Variants in COX10 observed in about 807,000 individuals in gnomAD.
The protein encoded by COX10 is protoheme IX farnesyltransferase, mitochondrial.
In COX10, 27 loss-of-function variants were observed where a neutral mutation model predicts 37.3. That is an observed-to-expected ratio of 0.72 (90% CI 0.53 to 1.00). COX10 has a LOEUF of 1.00. COX10 is among the 50% of genes least tolerant of loss of function. The probability of loss-of-function intolerance (pLI) is 0.00; values close to 1 mark genes in which losing one functional copy is unlikely to be tolerated. For synonymous variants in COX10, 222 were observed against 229.1 expected (o/e 0.97, Z 0.28); for missense variants, 475 against 563.2 (o/e 0.84, Z 1.59).
intron 5 of COX10, chr17:14,179,237 C>T: frequency 4.1e-6 from 4 of 983,306 alleles, no homozygotes; most frequent in Non-Finnish European, 4.8e-6. Context: ...CGTTCATCTA[C>T]CATCTCTTAT....
rs564127902 is a variant in COX10, at chr17:14,181,445, C to T, written c.696-10544C>T. 5.9e-5 allele frequency among the ~76,000 whole-genome samples: 9 copies of T among 151,560 alleles called. No homozygotes were observed. The South Asian group carries it at 1.5e-3, about 25-fold the overall frequency. On this transcript the variant is annotated intron_variant, in intron 5 of 6. Transcript: ENST00000261643. ...GAGTAAGAGGTCAGCACTATACCTC[C>T]GGGTAGCTGCACGTGCACGCAGCTG...
intron 4 of COX10, among the ~76,000 whole-genome samples, chr17:14,153,182 G>A (rs1307011811): frequency 6.6e-5 from 10 of 152,106 alleles, no homozygotes; most frequent in Admixed American, 2.6e-4. Flanking sequence ...TCTTTCAGCC[G>A]TACTAAACTT....
At chr17:14,092,606 G>A (rs761557106) in intron 3 of COX10, among the ~76,000 whole-genome samples, 1 of 152,010 alleles carries the variant, frequency 6.6e-6, no homozygotes, top group Non-Finnish European at 1.5e-5. Flanking sequence ...TTAACAATAA[G>A]CATGAGAATT....
chr17:14,204,322 G>A (rs1050155904), intron 6 of COX10, among the ~76,000 whole-genome samples: 1 of 151,746 alleles, frequency 6.6e-6, no homozygotes, highest in Non-Finnish European at 1.5e-5. Flanking sequence ...TGTCCCAAAG[G>A]CATCTCAGAC....
At chr17:14,145,651 C>T (rs976056957) in intron 4 of COX10, among the ~76,000 whole-genome samples, 1 of 152,092 alleles carries the variant, frequency 6.6e-6, no homozygotes, top group Non-Finnish European at 1.5e-5. Context: ...TAACTTTATT[C>T]CTTGGACAGT....
At chr17:14,197,654 T>C (rs534250820) in intron 6 of COX10, among the ~76,000 whole-genome samples, 1 of 152,340 alleles carries the variant, frequency 6.6e-6, no homozygotes, top group East Asian at 1.9e-4. Flanking sequence ...GAATTGTTCT[T>C]GATGTTTGCT....
intron 2 of COX10, among the ~76,000 whole-genome samples, chr17:14,076,115 T>TA (rs1915144262): frequency 7.3e-6 from 1 of 136,910 alleles, no homozygotes; most frequent in Non-Finnish European, 1.6e-5. Flanking sequence ...TTTTGTCTTT[T>TA]TTTTTTTTTT....
At position 14,150,210 on chromosome 17, in the gene COX10, T is replaced by C. The variant is rs375190021; in HGVS notation, c.625-9667T>C. The stretch of plus-strand genomic sequence containing the variant: ...ATCCCTTGAGCCCAGGATGCAGAGG[T>C]TGCAGCCACCCGTGATTGTGCCACT... On this transcript the variant is annotated intron_variant, in intron 4 of 6. Transcript: ENST00000261643. 6.6e-5 allele frequency among the ~76,000 whole-genome samples: 10 copies of C among 151,788 alleles called. No individual in the cohort carries two copies. In the East Asian group the frequency reaches 1.6e-3, roughly 24 times the overall value.
chr17:14,128,869 G>GA (rs1916400265), intron 4 of COX10, among the ~76,000 whole-genome samples: 1 of 152,230 alleles, frequency 6.6e-6, no homozygotes, highest in South Asian at 2.1e-4. Context: ...TTTTGAGACA[G>GA]AGTCTTGCTC....
At chr17:14,134,121 G>T (rs1044682191) in intron 4 of COX10, among the ~76,000 whole-genome samples, 2 of 151,600 alleles carry the variant, frequency 1.3e-5, no homozygotes, top group African/African-American at 2.4e-5. Context: ...GCTTCATAAG[G>T]TAGACTCCAT....
intron 3 of COX10, 81 bp downstream of exon 3, chr17:14,077,137 A>C (rs1465047914): frequency 2.1e-6 from 3 of 1,400,968 alleles, no homozygotes; most frequent in Non-Finnish European, 3.0e-6. Context: ...TTACCACCTG[A>C]AAAGAATAAT....
intron 3 of COX10, among the ~76,000 whole-genome samples, chr17:14,096,387 T>C (rs1187765915): frequency 5.5e-5 from 8 of 146,668 alleles, no homozygotes; most frequent in Non-Finnish European, 9.0e-5. Context: ...TCTTTTTTTT[T>C]TTTTTTTGAG....
intron 5 of COX10, among the ~76,000 whole-genome samples, chr17:14,175,158 A>G (rs60510907): frequency 0.045 from 5,480 of 123,018 alleles, 140 homozygotes; most frequent in Non-Finnish European, 0.063. Flanking sequence ...ATAAATTTAT[A>G]TGTTCTATAT....
chr17:14,100,569 A>G (rs1915754104), intron 3 of COX10, among the ~76,000 whole-genome samples: 1 of 152,224 alleles, frequency 6.6e-6, no homozygotes, highest in Non-Finnish European at 1.5e-5. Flanking sequence ...AAACAAAAGT[A>G]CAAGAACCCA....
Position 14,166,666 on chromosome 17 carries a change from C to T in COX10, c.695+6719C>T, listed in dbSNP as rs137906295. Among the ~76,000 whole-genome samples, 672 of 140,440 alleles carry T rather than the reference C, an allele frequency of 4.8e-3. 28 individuals are homozygous for T. In the East Asian group the frequency reaches 0.094, roughly 20 times the overall value. The allele number at this position is 140,440 out of a possible 152,430, so 92.1% of individuals were successfully genotyped here. A position where few individuals can be genotyped will look rare whatever the true frequency, so the allele number is the denominator to read the frequency against. On this transcript the variant is annotated intron_variant, in intron 5 of 6. Coordinates refer to ENST00000261643, the MANE Select transcript of COX10 (RefSeq NM_001303.4). ...TCTTCCTCTCACTCAGGCTGGAGTA[C>T]GGTGGTGCGATCTCAGCTCACTGCA...
At chr17:14,140,237 T>C (rs1213155624) in intron 4 of COX10, among the ~76,000 whole-genome samples, 2 of 152,260 alleles carry the variant, frequency 1.3e-5, no homozygotes, top group South Asian at 4.1e-4. Context: ...TTTAATAAGA[T>C]TTTTTTGACA....
chr17:14,203,232 T>C (rs1906597527), intron 6 of COX10, among the ~76,000 whole-genome samples: 1 of 151,910 alleles, frequency 6.6e-6, no homozygotes, highest in African/African-American at 2.4e-5. Context: ...TTTATACATA[T>C]ATAAATTTTA....
At chr17:14,176,500 A>G (rs2260437) in intron 5 of COX10, among the ~76,000 whole-genome samples, 8 of 152,340 alleles carry the variant, frequency 5.3e-5, no homozygotes, top group African/African-American at 1.7e-4. Context: ...CCTTAAAGGC[A>G]GAATGGTTTG....
intron 3 of COX10, among the ~76,000 whole-genome samples, chr17:14,089,230 A>C (rs1228871662): frequency 6.6e-6 from 1 of 152,108 alleles, no homozygotes; most frequent in African/African-American, 2.4e-5. Flanking sequence ...CAGTTTTTCC[A>C]AAGAAAAATA....
Sources: gnomAD v4.1 joint callset for allele counts (sites outside exome capture counted in the v4.1 genomes callset) on GRCh38, gnomAD v4.1.1 for gene constraint, MANE v1.5 for transcripts, NCBI Gene and HGNC (gene_info 2026-07-23, HGNC 2026-07-21) for gene names.